The following SRGAP1 variants were observed in gnomAD, a reference collection of about 807,000 sequenced individuals.
SRGAP1 encodes SLIT-ROBO Rho GTPase activating protein 1.
In SRGAP1, 43 loss-of-function variants were observed where a neutral mutation model predicts 121.9. The ratio of observed to expected loss-of-function variants is 0.35; its 90% CI spans 0.28 to 0.46. The LOEUF is 0.46. Ranked by LOEUF, SRGAP1 falls within the 20% of genes least tolerant of loss-of-function variation. The pLI, the probability that SRGAP1 is intolerant of heterozygous loss-of-function variation, is 1.00. For synonymous variants in SRGAP1, 447 were observed against 485.4 expected (o/e 0.92, Z 1.04); for missense variants, 1,102 against 1,350.9 (o/e 0.82, Z 2.89).
intron 3 of SRGAP1, among the ~76,000 whole-genome samples, chr12:64,013,212 A>G (rs1002711381): frequency 5.3e-5 from 8 of 152,174 alleles, no homozygotes; most frequent in Admixed American, 3.9e-4. Context: ...ATTGTTTCTC[A>G]TTGTTACTGT....
intron 4 of SRGAP1, among the ~76,000 whole-genome samples, chr12:64,042,211 G>GTTTTGT: frequency 6.6e-6 from 1 of 151,544 alleles, no homozygotes. Context: ...TTTTTGTTTT[G>GTTTTGT]TTTTGTTTTT....
intron 1 of SRGAP1, among the ~76,000 whole-genome samples, chr12:63,973,928 C>T (rs910958696): frequency 2.0e-5 from 3 of 152,174 alleles, no homozygotes; most frequent in African/African-American, 7.2e-5. Context: ...GTAACACAGT[C>T]ATTCCAAATG....
At chr12:63,883,893 C>T (rs1383834809) in intron 1 of SRGAP1, among the ~76,000 whole-genome samples, 3 of 150,868 alleles carry the variant, frequency 2.0e-5, no homozygotes. Flanking sequence ...CTCCTGACGT[C>T]GTGATCCGCC....
At chr12:63,941,508 C>G (rs1021553495) in intron 1 of SRGAP1, among the ~76,000 whole-genome samples, 2 of 152,062 alleles carry the variant, frequency 1.3e-5, no homozygotes, top group African/African-American at 4.8e-5. Context: ...AGGTGAAGCT[C>G]ATGGTTTTCT....
chr12:63,895,574 A>G (rs17099896), intron 1 of SRGAP1, among the ~76,000 whole-genome samples: 22,073 of 152,132 alleles, frequency 0.15, 1,703 homozygotes, highest in Middle Eastern at 0.21. Context: ...GTCTAGATCT[A>G]GAAGTGAGAT....
At chr12:63,974,577 T>C (rs1279303095) in intron 1 of SRGAP1, among the ~76,000 whole-genome samples, 1 of 152,184 alleles carries the variant, frequency 6.6e-6, no homozygotes, top group Non-Finnish European at 1.5e-5. Context: ...AAGGATTTTA[T>C]TATAATTCTG....
chr12:64,136,728 T>G (rs562111565), intron 21 of SRGAP1, among the ~76,000 whole-genome samples: 7 of 152,332 alleles, frequency 4.6e-5, no homozygotes, highest in African/African-American at 1.7e-4. Flanking sequence ...AGGCTTTGAC[T>G]GTTTTATTTT....
At chr12:64,014,545 G>A (rs938240887) in intron 3 of SRGAP1, among the ~76,000 whole-genome samples, 3 of 152,006 alleles carry the variant, frequency 2.0e-5, no homozygotes, top group African/African-American at 4.8e-5. Flanking sequence ...AAATAATTTG[G>A]CACAACAAAC....
chr12:64,096,175 C>T (rs2136592262), intron 14 of SRGAP1, among the ~76,000 whole-genome samples: 1 of 152,200 alleles, frequency 6.6e-6, no homozygotes, highest in South Asian at 2.1e-4. Context: ...ATCATTTTTC[C>T]TTGGAAATTT....
chr12:63,961,423 G>A lies in SRGAP1; in HGVS notation c.68-22524G>A, dbSNP rs560724491. On this transcript the variant is annotated intron_variant, in intron 1 of 21. Coordinates refer to ENST00000355086, the MANE Select transcript of SRGAP1 (RefSeq NM_020762.4). ...CTGCTCCTCACTGTGCAGGGCCTTG[G>A]ATGTGCCTGGAGCAGAGGCCAGGCA... Among the ~76,000 whole-genome samples the A allele has an allele frequency of 5.3e-5, 8 of 152,278 alleles. No homozygotes were observed. The South Asian group carries it at 1.7e-3, about 32-fold the overall frequency.
chr12:63,979,670 A>G (rs537908374), intron 1 of SRGAP1, among the ~76,000 whole-genome samples: 6 of 152,096 alleles, frequency 3.9e-5, no homozygotes, highest in African/African-American at 1.2e-4. Flanking sequence ...TGTCTTACAA[A>G]CCTTTGTATC....
intron 1 of SRGAP1, among the ~76,000 whole-genome samples, chr12:63,957,436 G>A (rs2032505874): frequency 6.6e-6 from 1 of 152,092 alleles, no homozygotes; most frequent in Admixed American, 6.6e-5. Flanking sequence ...AACTATGATG[G>A]GACATCCACA....
intron 1 of SRGAP1, among the ~76,000 whole-genome samples, chr12:63,965,926 C>G (rs1232932682): frequency 6.6e-6 from 1 of 152,342 alleles, no homozygotes; most frequent in African/African-American, 2.4e-5. Flanking sequence ...TCAAGTGATT[C>G]TCCTGCCTCA....
At chr12:63,862,353 C>T (rs1041243160) in intron 1 of SRGAP1, among the ~76,000 whole-genome samples, 1 of 152,088 alleles carries the variant, frequency 6.6e-6, no homozygotes, top group East Asian at 1.9e-4. Flanking sequence ...GGTGTCACAG[C>T]CAACTTGGCA....
At chr12:63,979,794 A>G (rs1449517851) in intron 1 of SRGAP1, among the ~76,000 whole-genome samples, 1 of 152,210 alleles carries the variant, frequency 6.6e-6, no homozygotes, top group Admixed American at 6.5e-5. Flanking sequence ...TACTAACCTA[A>G]AAACGCCTCT....
intron 18 of SRGAP1, among the ~76,000 whole-genome samples, chr12:64,120,801 T>C (rs1177151296): frequency 6.6e-6 from 1 of 152,196 alleles, no homozygotes; most frequent in Admixed American, 6.5e-5. Context: ...ATCTGACTCA[T>C]GTTCTAATGT....
intron 1 of SRGAP1, among the ~76,000 whole-genome samples, chr12:63,873,194 T>G (rs1565929919): frequency 1.3e-5 from 2 of 152,084 alleles, no homozygotes; most frequent in South Asian, 4.1e-4. Context: ...ATATATGAGG[T>G]ACACACTGCT....
intron 17 of SRGAP1, among the ~76,000 whole-genome samples, chr12:64,113,824 A>T (rs2036472449): frequency 6.6e-6 from 1 of 152,200 alleles, no homozygotes; most frequent in African/African-American, 2.4e-5. Flanking sequence ...ATTCCAAAGC[A>T]TATGTGAGTC....
chr12:64,089,141 G>A (rs1215062122), intron 11 of SRGAP1, among the ~76,000 whole-genome samples: 1 of 152,104 alleles, frequency 6.6e-6, no homozygotes, highest in Non-Finnish European at 1.5e-5. Flanking sequence ...TGATCCAGAC[G>A]ACCTACCTCC....
Sources: allele counts gnomAD v4.1 joint callset (sites outside exome capture counted in the v4.1 genomes callset), GRCh38; gene constraint gnomAD v4.1.1; transcripts MANE v1.5; gene names NCBI Gene and HGNC (gene_info 2026-07-23, HGNC 2026-07-21).